The following RIMOC1 variants were observed in gnomAD, a reference collection of about 807,000 sequenced individuals.
RIMOC1 encodes the protein RAB7A-interacting MON1-CCZ1 complex subunit 1.
At chr5:41,912,096 C>A in the RIMOC1 span, 1 of 1,610,204 alleles carries the variant, frequency 6.2e-7, no homozygotes, top group Admixed American at 1.7e-5. Flanking sequence ...CAGTTACTTG[C>A]TACAGATGCT....
At chr5:41,911,260 T>G in the RIMOC1 span, 1 of 1,325,726 alleles carries the variant, frequency 7.5e-7, no homozygotes, top group Non-Finnish European at 1.0e-6. Flanking sequence ...CTACTAAGAG[T>G]AGTGGATCAA....
the RIMOC1 span, chr5:41,904,350 C>T: frequency 6.2e-7 from 1 of 1,612,078 alleles, no homozygotes. Flanking sequence ...GACCGGGGCG[C>T]ACCCGCCGAT....
At chr5:41,917,548 A>G in the RIMOC1 span, 3 of 1,147,668 alleles carry the variant, frequency 2.6e-6, no homozygotes, top group Non-Finnish European at 3.2e-6. Context: ...ATGTTATGTC[A>G]CTAATAATGA....
chr5:41,910,403 C>T, the RIMOC1 span, among the ~76,000 whole-genome samples: 1,474 of 151,718 alleles, frequency 9.7e-3, 30 homozygotes, highest in African/African-American at 0.034. Flanking sequence ...CTTTCATCAC[C>T]GATAGTCTCT....
At chr5:41,918,523 G>C in the RIMOC1 span, 1 of 985,068 alleles carries the variant, frequency 1.0e-6, no homozygotes. Flanking sequence ...TTTTAGTCTA[G>C]TCCTTTGGCA....
chr5:41,914,547 T>C, the RIMOC1 span, among the ~76,000 whole-genome samples: 6 of 151,186 alleles, frequency 4.0e-5, no homozygotes, highest in African/African-American at 1.5e-4. Flanking sequence ...GATGATCACT[T>C]GAGAAAACTG....
chr5:41,921,611 T>A, the RIMOC1 span: 18 of 152,242 alleles, frequency 1.2e-4, no homozygotes, highest in East Asian at 7.7e-4. Context: ...TATACATTTT[T>A]AAAAAAATAA....
At chr5:41,906,781 C>G in the RIMOC1 span, among the ~76,000 whole-genome samples, 3 of 152,320 alleles carry the variant, frequency 2.0e-5, no homozygotes, top group Admixed American at 2.0e-4. Flanking sequence ...CAATGAACAC[C>G]TTATCTGTGT....
At chr5:41,910,717 C>T in the RIMOC1 span, among the ~76,000 whole-genome samples, 1 of 151,980 alleles carries the variant, frequency 6.6e-6, no homozygotes, top group Non-Finnish European at 1.5e-5. Context: ...TATGATCTCA[C>T]TTCAAGTAAT....
the RIMOC1 span, among the ~76,000 whole-genome samples, chr5:41,905,245 T>A: frequency 1.3e-5 from 2 of 152,256 alleles, no homozygotes; most frequent in Non-Finnish European, 2.9e-5. Flanking sequence ...AGCGATTGAA[T>A]AGTTGGTGAA....
the RIMOC1 span, chr5:41,917,648 A>G: frequency 1.0e-6 from 1 of 979,964 alleles, no homozygotes. Context: ...CATTTTTATC[A>G]TCTTTAGATT....
At chr5:41,904,345 G>T in the RIMOC1 span, 2 of 1,611,500 alleles carry the variant, frequency 1.2e-6, no homozygotes, top group Non-Finnish European at 8.5e-7. Context: ...CACGTGACCG[G>T]GGCGCACCCG....
chr5:41,921,070 T>C, the RIMOC1 span: 1 of 152,640 alleles, frequency 6.6e-6, no homozygotes, highest in African/African-American at 2.4e-5. Context: ...TTTGGGCTGC[T>C]GAGAATAATT....
the RIMOC1 span, chr5:41,904,566 T>G: frequency 2.6e-6 from 3 of 1,170,480 alleles, no homozygotes; most frequent in Non-Finnish European, 2.5e-6. Context: ...TGTGTTCCTT[T>G]GGGTCCCAGG....
At chr5:41,909,860 AT>A in the RIMOC1 span, 1 of 1,580,910 alleles carries the variant, frequency 6.3e-7, no homozygotes, top group Admixed American at 1.9e-5. Context: ...AGAACCAGAA[AT>A]TTTAGTAAAG....
the RIMOC1 span, among the ~76,000 whole-genome samples, chr5:41,913,947 G>T: frequency 0.012 from 1,789 of 152,210 alleles, 38 homozygotes; most frequent in African/African-American, 0.041. Flanking sequence ...ACCAATCAGA[G>T]GCATTGAAAA....
the RIMOC1 span, chr5:41,904,357 C>A: frequency 5.6e-6 from 9 of 1,612,972 alleles, no homozygotes; most frequent in Non-Finnish European, 7.6e-6. Context: ...GCGCACCCGC[C>A]GATTGTGGCC....
At chr5:41,921,463 A>G in the RIMOC1 span, 1 of 150,162 alleles carries the variant, frequency 6.7e-6, no homozygotes, top group Non-Finnish European at 1.5e-5. Flanking sequence ...TAACAATGAG[A>G]TGATACCATG....
chr5:41,908,829 T>C, the RIMOC1 span, among the ~76,000 whole-genome samples: 1 of 152,126 alleles, frequency 6.6e-6, no homozygotes, highest in African/African-American at 2.4e-5. Flanking sequence ...TTAAACCCTA[T>C]TGATGGTTCT....
Sources: allele counts gnomAD v4.1 joint callset (sites outside exome capture counted in the v4.1 genomes callset), GRCh38; gene constraint gnomAD v4.1.1; transcripts MANE v1.5; gene names NCBI Gene and HGNC (gene_info 2026-07-23, HGNC 2026-07-21).